The following GRID1 variants were observed in gnomAD, a reference collection of about 807,000 sequenced individuals.
GRID1 encodes the protein glutamate receptor ionotropic, delta-1.
In GRID1, 28 loss-of-function variants were observed where a neutral mutation model predicts 98.0. The observed-to-expected ratio is 0.29, with a 90% CI of 0.21 to 0.39. The LOEUF (loss-of-function observed/expected upper bound fraction) is 0.39. GRID1 is among the 10% of genes least tolerant of loss of function. The pLI, the probability that GRID1 is intolerant of heterozygous loss-of-function variation, is 1.00. For missense variants in GRID1, 1,111 were observed against 1,340.5 expected, an observed-to-expected ratio of 0.83 and a Z score of 2.67; for synonymous variants, 553 against 538.5, an observed-to-expected ratio of 1.03 and a Z score of -0.37.
intron 14 of GRID1, among the ~76,000 whole-genome samples, chr10:85,618,811 C>T (rs961084205): frequency 1.3e-5 from 2 of 152,156 alleles, no homozygotes; most frequent in South Asian, 4.1e-4. Context: ...CTCAAGAGAC[C>T]TGGATTCTAC....
intron 12 of GRID1, among the ~76,000 whole-genome samples, chr10:85,716,398 C>G (rs1382203661): frequency 6.6e-6 from 1 of 151,936 alleles, no homozygotes; most frequent in Non-Finnish European, 1.5e-5. Flanking sequence ...ACATCACACA[C>G]CGGGGACTGT....
At chr10:85,927,497 G>A (rs1841790872) in intron 4 of GRID1, among the ~76,000 whole-genome samples, 1 of 134,746 alleles carries the variant, frequency 7.4e-6, no homozygotes, top group African/African-American at 3.0e-5. Context: ...CTTAGAAGAT[G>A]TAAAGTTTCT....
chr10:86,336,059 C>A (rs1241134734), intron 2 of GRID1, among the ~76,000 whole-genome samples: 4 of 152,176 alleles, frequency 2.6e-5, no homozygotes, highest in Non-Finnish European at 4.4e-5. Context: ...ACCTGTTGAT[C>A]CCAAACATTG....
chr10:86,064,770 G>T (rs951274894), intron 4 of GRID1, among the ~76,000 whole-genome samples: 4 of 152,022 alleles, frequency 2.6e-5, no homozygotes, highest in Non-Finnish European at 2.9e-5. Context: ...CTTATTCCAG[G>T]CATTTGCACC....
At chr10:86,056,022 G>T (rs899891386) in intron 4 of GRID1, among the ~76,000 whole-genome samples, 1 of 152,216 alleles carries the variant, frequency 6.6e-6, no homozygotes. Flanking sequence ...AGCAGACAAC[G>T]TCTCACAGCT....
intron 4 of GRID1, among the ~76,000 whole-genome samples, chr10:86,138,459 T>A (rs888356812): frequency 6.6e-6 from 1 of 152,196 alleles, no homozygotes; most frequent in Non-Finnish European, 1.5e-5. Flanking sequence ...GCTGGAAATT[T>A]ATTTTATCCC....
intron 4 of GRID1, among the ~76,000 whole-genome samples, chr10:86,105,466 C>T (rs1157918820): frequency 1.3e-5 from 2 of 152,240 alleles, no homozygotes; most frequent in African/African-American, 4.8e-5. Flanking sequence ...ACAGCACTGG[C>T]TGTTCTTGCC....
chr10:85,978,464 A>C (rs1842502367), intron 4 of GRID1, among the ~76,000 whole-genome samples: 1 of 152,244 alleles, frequency 6.6e-6, no homozygotes, highest in Non-Finnish European at 1.5e-5. Flanking sequence ...GTACAAACCT[A>C]AGCATTAATG....
chr10:85,910,405 A>G (rs1841521041), intron 5 of GRID1, among the ~76,000 whole-genome samples: 1 of 152,042 alleles, frequency 6.6e-6, no homozygotes, highest in Non-Finnish European at 1.5e-5. Context: ...TCTTATTTTC[A>G]TTTGTTTTAC....
chr10:85,869,301 G>A (rs1489109238), intron 5 of GRID1, 121 bp from the exon 6 acceptor site: 1 of 789,104 alleles, frequency 1.3e-6, no homozygotes. Flanking sequence ...CAAGGGATTG[G>A]GCCCAGGTCA....
chr10:85,855,995 T>A (rs1471665639), intron 7 of GRID1, 34 bp downstream of exon 7: 8 of 1,605,976 alleles, frequency 5.0e-6, no homozygotes, highest in Non-Finnish European at 6.8e-6. Context: ...GGGGCCTGTC[T>A]TTGGCCAGGT....
intron 2 of GRID1, among the ~76,000 whole-genome samples, chr10:86,271,968 A>G (rs1847192267): frequency 6.6e-6 from 1 of 152,194 alleles, no homozygotes; most frequent in South Asian, 2.1e-4. Flanking sequence ...AGAAAAATAC[A>G]TCAAGACACA....
At chr10:86,296,159 A>C (rs2132078423) in intron 2 of GRID1, among the ~76,000 whole-genome samples, 1 of 152,346 alleles carries the variant, frequency 6.6e-6, no homozygotes, top group Non-Finnish European at 1.5e-5. Flanking sequence ...GGCATCTGAG[A>C]ACCAACACTC....
intron 4 of GRID1, among the ~76,000 whole-genome samples, chr10:86,017,938 C>A (rs1322290925): frequency 6.6e-6 from 1 of 152,214 alleles, no homozygotes; most frequent in African/African-American, 2.4e-5. Flanking sequence ...CTGAGCCCAA[C>A]AGACCATGCC....
chr10:86,307,758 A>G lies in GRID1; in HGVS notation c.235+56183T>C, dbSNP rs149101780. Among the ~76,000 whole-genome samples the G allele has an allele frequency of 4.3e-3, 653 of 152,334 alleles. 2 individuals are homozygous for G. Among genetic ancestry groups the G allele is most frequent in the Admixed American group, 6.5e-3 (100 of 15,310 alleles). On this transcript the variant is annotated intron_variant, in intron 2 of 15. Transcript: ENST00000327946. ...GTTCATTAGCCTGATTCTGGTGATC[A>G]CTTTACAATGCATATCAAAACACCA... is the stretch of plus-strand genomic sequence containing the variant.
chr10:86,083,820 T>A (rs576455319), intron 4 of GRID1, among the ~76,000 whole-genome samples: 1 of 152,260 alleles, frequency 6.6e-6, no homozygotes, highest in Admixed American at 6.5e-5. Flanking sequence ...AATACCCCAA[T>A]CCAGTGCACA....
At chr10:85,769,697 T>G (rs1444876152) in intron 8 of GRID1, among the ~76,000 whole-genome samples, 1 of 152,202 alleles carries the variant, frequency 6.6e-6, no homozygotes, top group Non-Finnish European at 1.5e-5. Flanking sequence ...CGGAGGGTCC[T>G]ACACCCACGG....
At chr10:86,350,739 A>G (rs905046735) in intron 2 of GRID1, among the ~76,000 whole-genome samples, 9 of 152,220 alleles carry the variant, frequency 5.9e-5, no homozygotes, top group Admixed American at 3.9e-4. Context: ...TAATGATCAC[A>G]TCAGGTAATT....
chr10:85,814,894 C>T (rs1842702783), intron 8 of GRID1, among the ~76,000 whole-genome samples: 1 of 151,836 alleles, frequency 6.6e-6, no homozygotes. Flanking sequence ...GAATATTTAC[C>T]AACTCTTTTT....
Sources: allele counts gnomAD v4.1 joint callset (sites outside exome capture counted in the v4.1 genomes callset), GRCh38; gene constraint gnomAD v4.1.1; transcripts MANE v1.5; gene names NCBI Gene and HGNC (gene_info 2026-07-23, HGNC 2026-07-21).